NAALADL2: variants seen among roughly 807,000 people sequenced by gnomAD.
The protein encoded by NAALADL2 is N-acetylated alpha-linked acidic dipeptidase like 2.
NAALADL2 carries 76 observed loss-of-function variants against 87.2 expected under a neutral mutation model. That is an observed-to-expected ratio of 0.87 (90% CI 0.72 to 1.05). The LOEUF is 1.05. Among genes scored for constraint, NAALADL2 ranks in the 50% least tolerant of loss-of-function variants. NAALADL2 has a pLI of 0.00. For synonymous variants in NAALADL2, 354 were observed against 331.0 expected, an observed-to-expected ratio of 1.07 and a Z score of -0.75; for missense variants, 1,089 against 945.8, an observed-to-expected ratio of 1.15 and a Z score of -1.99.
chr3:175,706,968 A>G (rs1485789321), intron 11 of NAALADL2, among the ~76,000 whole-genome samples: 4 of 152,122 alleles, frequency 2.6e-5, no homozygotes, highest in Admixed American at 2.0e-4. Context: ...CTACTTGACT[A>G]TATGTATATA....
chr3:175,049,890 T>A (rs115568856), intron 1 of NAALADL2, among the ~76,000 whole-genome samples: 1 of 152,202 alleles, frequency 6.6e-6, no homozygotes. Context: ...AGTTCTCAAA[T>A]GTTGTTTTGT....
At chr3:174,614,520 C>A (rs915304631) in intron 2 of NAALADL2, among the ~76,000 whole-genome samples, 1 of 152,158 alleles carries the variant, frequency 6.6e-6, no homozygotes, top group Non-Finnish European at 1.5e-5. Context: ...TGTGCTCTCC[C>A]TTTCCCATGC....
At chr3:174,744,761 T>C (rs945306084) in intron 3 of NAALADL2, among the ~76,000 whole-genome samples, 23 of 152,106 alleles carry the variant, frequency 1.5e-4, no homozygotes, top group African/African-American at 5.3e-4. Context: ...CCGAACACAG[T>C]GCAATCAATT....
At chr3:174,944,493 C>T (rs974636183) in intron 1 of NAALADL2, among the ~76,000 whole-genome samples, 3 of 152,134 alleles carry the variant, frequency 2.0e-5, no homozygotes, top group African/African-American at 7.2e-5. Flanking sequence ...GCTGGAATTC[C>T]AAGCCAGTCT....
At chr3:174,889,502 G>A (rs1286674550) in intron 1 of NAALADL2, among the ~76,000 whole-genome samples, 1 of 151,944 alleles carries the variant, frequency 6.6e-6, no homozygotes, top group Non-Finnish European at 1.5e-5. Context: ...CTGCTTCACT[G>A]TCTGCCCTGT....
chr3:174,849,780 C>G (rs1725036979), intron 3 of NAALADL2, among the ~76,000 whole-genome samples: 1 of 150,512 alleles, frequency 6.6e-6, no homozygotes. Context: ...CATACATTAG[C>G]CTAGGCCTAC....
At chr3:174,741,381 T>TA (rs958699156) in intron 3 of NAALADL2, among the ~76,000 whole-genome samples, 3 of 151,668 alleles carry the variant, frequency 2.0e-5, no homozygotes, top group African/African-American at 7.2e-5. Context: ...TGGCTTCAGT[T>TA]ACATAATGCA....
chr3:174,784,884 T>G (rs1286719406), intron 3 of NAALADL2, among the ~76,000 whole-genome samples: 2 of 152,224 alleles, frequency 1.3e-5, no homozygotes, highest in African/African-American at 2.4e-5. Context: ...GTGTTTCCTT[T>G]TCTTTCTGTC....
At chr3:175,109,624 C>T (rs959168801) in intron 2 of NAALADL2, among the ~76,000 whole-genome samples, 1 of 151,750 alleles carries the variant, frequency 6.6e-6, no homozygotes, top group Non-Finnish European at 1.5e-5. Flanking sequence ...ATTTGGGATG[C>T]AGTGGTCAGT....
intron 2 of NAALADL2, among the ~76,000 whole-genome samples, chr3:174,578,765 T>G (rs1715829879): frequency 6.6e-6 from 1 of 151,890 alleles, no homozygotes; most frequent in African/African-American, 2.4e-5. Flanking sequence ...CATAGGAGGA[T>G]TCTATTCATA....
chr3:175,712,302 A>C (rs1470371839), intron 11 of NAALADL2, among the ~76,000 whole-genome samples: 2 of 152,048 alleles, frequency 1.3e-5, no homozygotes, highest in East Asian at 3.9e-4. Flanking sequence ...TCTGCATGGC[A>C]ATATTAAAAT....
chr3:174,712,356 A>G (rs921051687), intron 2 of NAALADL2, among the ~76,000 whole-genome samples: 3 of 137,436 alleles, frequency 2.2e-5, no homozygotes, highest in African/African-American at 5.5e-5. Context: ...TATGTTCCCT[A>G]TTAACAGTCT....
chr3:174,562,650 C>A (rs1374008484), intron 2 of NAALADL2, among the ~76,000 whole-genome samples: 1 of 151,860 alleles, frequency 6.6e-6, no homozygotes, highest in African/African-American at 2.4e-5. Flanking sequence ...TCGCTGGACC[C>A]CATTTCTTAT....
At chr3:174,757,462 A>G (rs560317986) in intron 3 of NAALADL2, among the ~76,000 whole-genome samples, 2 of 152,164 alleles carry the variant, frequency 1.3e-5, no homozygotes, top group East Asian at 3.9e-4. Flanking sequence ...GGTTTTCCTC[A>G]GTGTTGGCCT....
At chr3:175,416,120 TTAAAA>T (rs1560515707) in intron 5 of NAALADL2, among the ~76,000 whole-genome samples, 2 of 151,940 alleles carry the variant, frequency 1.3e-5, no homozygotes, top group South Asian at 2.1e-4. Context: ...AGACCTCATC[TTAAAA>T]TAAATAAATA....
At chr3:174,658,661 ATACTT>A (rs1257487443) in intron 2 of NAALADL2, among the ~76,000 whole-genome samples, 35 of 152,274 alleles carry the variant, frequency 2.3e-4, no homozygotes, top group Admixed American at 6.5e-4. Flanking sequence ...TATTTAGCTT[ATACTT>A]TACTTTTAAT....
intron 11 of NAALADL2, among the ~76,000 whole-genome samples, chr3:175,673,869 A>G (rs909073032): frequency 8.6e-5 from 13 of 151,870 alleles, no homozygotes; most frequent in Admixed American, 5.9e-4. Context: ...CTCCATGCAT[A>G]TAGGCAGGTG....
intron 11 of NAALADL2, among the ~76,000 whole-genome samples, chr3:175,677,395 G>A (rs992948283): frequency 2.6e-5 from 4 of 151,054 alleles, no homozygotes; most frequent in Non-Finnish European, 4.4e-5. Context: ...ATAAAGAACT[G>A]CTTGCCTATT....
intron 2 of NAALADL2, among the ~76,000 whole-genome samples, chr3:175,174,153 G>T (rs1410526367): frequency 6.6e-6 from 1 of 152,108 alleles, no homozygotes; most frequent in Admixed American, 6.5e-5. Context: ...AGTATAAAAT[G>T]TGGACACATT....
Sources: allele counts gnomAD v4.1 joint callset (sites outside exome capture counted in the v4.1 genomes callset), GRCh38; gene constraint gnomAD v4.1.1; transcripts MANE v1.5; gene names NCBI Gene and HGNC (gene_info 2026-07-23, HGNC 2026-07-21).